FANCL: variants seen among roughly 807,000 people sequenced by gnomAD.
The protein encoded by FANCL is FA complementation group L.
Under a neutral mutation model 59.4 loss-of-function variants are expected in FANCL, and 69 were observed. The observed-to-expected ratio is 1.16, with a 90% CI of 0.96 to 1.42. The LOEUF is 1.42. Ranked by LOEUF, FANCL falls within the 40% of genes most tolerant of loss-of-function variation. FANCL has a pLI of 0.00. For missense variants in FANCL, 519 were observed against 447.2 expected, an observed-to-expected ratio of 1.16 and a Z score of -1.45; for synonymous variants, 180 against 147.1, an observed-to-expected ratio of 1.22 and a Z score of -1.62.
intron 8 of FANCL, among the ~76,000 whole-genome samples, chr2:58,164,013 T>C (rs1036430109): frequency 2.0e-5 from 3 of 152,028 alleles, no homozygotes; most frequent in African/African-American, 4.8e-5. Context: ...ATTTTCTGTA[T>C]TATTTTGCTG....
intron 11 of FANCL, among the ~76,000 whole-genome samples, 161 bp downstream of exon 11, chr2:58,162,705 C>T (rs1685386587): frequency 6.6e-6 from 1 of 151,886 alleles, no homozygotes; most frequent in African/African-American, 2.4e-5. Flanking sequence ...TTGTACTTAA[C>T]AACCAATCAA....
At chr2:58,194,154 CCA>C (rs1689206769) in intron 7 of FANCL, 24 of 469,092 alleles carry the variant, frequency 5.1e-5, no homozygotes, top group South Asian at 3.4e-4. Flanking sequence ...ATTTACTACA[CCA>C]CACTGAACCT....
intron 7 of FANCL, among the ~76,000 whole-genome samples, chr2:58,167,774 T>C (rs972850420): frequency 6.6e-6 from 1 of 152,222 alleles, no homozygotes; most frequent in African/African-American, 2.4e-5. Flanking sequence ...ACATTATTTT[T>C]ACATTCCAGA....
At chr2:58,209,952 G>A (rs773112837) in intron 5 of FANCL, among the ~76,000 whole-genome samples, 3 of 152,042 alleles carry the variant, frequency 2.0e-5, no homozygotes, top group Non-Finnish European at 2.9e-5. Context: ...CTCCCAGTTC[G>A]CACATCAGAT....
At chr2:58,183,269 A>G (rs1259519144) in intron 7 of FANCL, among the ~76,000 whole-genome samples, 3 of 152,050 alleles carry the variant, frequency 2.0e-5, no homozygotes, top group African/African-American at 7.2e-5. Context: ...AAAAATATCC[A>G]AACTCTTAAG....
At chr2:58,189,682 A>G (rs910735617) in intron 7 of FANCL, among the ~76,000 whole-genome samples, 1 of 152,124 alleles carries the variant, frequency 6.6e-6, no homozygotes, top group Admixed American at 6.6e-5. Flanking sequence ...TGTTACTTTC[A>G]TAATACCTGA....
chr2:58,177,077 C>A (rs1025876166), intron 7 of FANCL, among the ~76,000 whole-genome samples: 8 of 152,092 alleles, frequency 5.3e-5, no homozygotes, highest in African/African-American at 1.9e-4. Context: ...AAAACCACAA[C>A]GAGATATCAT....
chr2:58,169,388 C>T (rs78217793), intron 7 of FANCL, among the ~76,000 whole-genome samples: 1 of 152,126 alleles, frequency 6.6e-6, no homozygotes, highest in Non-Finnish European at 1.5e-5. Flanking sequence ...CACACCAAAA[C>T]CCCATATGAA....
At position 58,159,619 on chromosome 2, in the gene FANCL, G is replaced by A; in HGVS notation, c.*146C>T. ...GTTTACTCTTAGTGAAGAGACAAAC[G>A]CAGATGTTTATTATTATCGCATCAT... is the stretch of plus-strand genomic sequence containing the variant. On this transcript the variant is annotated 3_prime_UTR_variant, in exon 14 of 14. Transcript: ENST00000233741. 6 of 1,613,740 alleles carry A rather than the reference G, an allele frequency of 3.7e-6. No homozygotes were observed. The highest frequency in any genetic ancestry group is 5.1e-6 in the Non-Finnish European group (6 of 1,179,772).
chr2:58,186,471 G>T (rs1369540269), intron 7 of FANCL, among the ~76,000 whole-genome samples: 2 of 152,170 alleles, frequency 1.3e-5, no homozygotes, highest in Non-Finnish European at 2.9e-5. Context: ...GTGGGGACTG[G>T]AAAGAGTGAA....
chr2:58,232,477 C>T (rs1173364821), intron 1 of FANCL, among the ~76,000 whole-genome samples: 1 of 151,954 alleles, frequency 6.6e-6, no homozygotes, highest in Non-Finnish European at 1.5e-5. Context: ...GAAATTCCTT[C>T]AAATTGCTTT....
At chr2:58,169,516 T>C (rs1257862815) in intron 7 of FANCL, among the ~76,000 whole-genome samples, 1 of 151,978 alleles carries the variant, frequency 6.6e-6, no homozygotes, top group African/African-American at 2.4e-5. Flanking sequence ...TCACAACTCC[T>C]CGCCAGCAAG....
rs1176815262 is a variant in FANCL, at chr2:58,159,336, A to AT, written c.*428dup. 10 of 1,579,822 alleles carry AT rather than the reference A, an allele frequency of 6.3e-6. No homozygotes were observed. The highest frequency in any genetic ancestry group is 1.9e-5 in the Admixed American group (1 of 53,206). On this transcript the variant is annotated 3_prime_UTR_variant, in exon 14 of 14. Coordinates refer to ENST00000233741, the MANE Select transcript of FANCL (RefSeq NM_018062.4). ...GTCTAACAAACTAAACTATATATGT[A>AT]TTTTTTCCATAGGAAAGCACAAGGA...
At chr2:58,201,675 T>C (rs1690037539) in intron 6 of FANCL, among the ~76,000 whole-genome samples, 1 of 152,050 alleles carries the variant, frequency 6.6e-6, no homozygotes. Flanking sequence ...CTGAATGCAC[T>C]GTAAGCATTG....
chr2:58,169,672 T>C (rs180959380), intron 7 of FANCL, among the ~76,000 whole-genome samples: 1 of 151,666 alleles, frequency 6.6e-6, no homozygotes, highest in Non-Finnish European at 1.5e-5. Context: ...GTTAGAGGAA[T>C]TGCTAACTAA....
chr2:58,232,005 G>A (rs112994651), intron 2 of FANCL, 49 bp downstream of exon 2: 1 of 1,489,056 alleles, frequency 6.7e-7, no homozygotes, highest in South Asian at 1.1e-5. Context: ...TGTACTGCCT[G>A]TCCCACCAAA....
intron 5 of FANCL, among the ~76,000 whole-genome samples, chr2:58,204,838 T>C (rs1364770137): frequency 1.3e-5 from 2 of 152,122 alleles, no homozygotes; most frequent in African/African-American, 4.8e-5. Context: ...AGATGACTAA[T>C]ATTCTAAACA....
chr2:58,219,554 G>A lies in FANCL; in HGVS notation c.374+2388C>T, dbSNP rs761344488. Among the ~76,000 whole-genome samples, 91 of 151,818 alleles carry A rather than the reference G, an allele frequency of 6.0e-4. 1 individual carries two copies. Among genetic ancestry groups the A allele is most frequent in the Admixed American group, 4.4e-3 (67 of 15,230 alleles). The stretch of plus-strand genomic sequence containing the variant: ...CAGTAACTTTACGGTGCAGAAACCC[G>A]ACAAATACTACCTCACCAGGTAATC... On this transcript the variant is annotated intron_variant, in intron 5 of 13. Transcript: ENST00000233741.
At chr2:58,225,781 G>C (rs1199594220) in intron 4 of FANCL, among the ~76,000 whole-genome samples, 1 of 151,964 alleles carries the variant, frequency 6.6e-6, no homozygotes, top group Admixed American at 6.6e-5. Context: ...AGATTTTATA[G>C]GACACCTAAT....
Sources: gnomAD v4.1 joint callset for allele counts (sites outside exome capture counted in the v4.1 genomes callset) on GRCh38, gnomAD v4.1.1 for gene constraint, MANE v1.5 for transcripts, NCBI Gene and HGNC (gene_info 2026-07-23, HGNC 2026-07-21) for gene names.